Variants in HS6ST3 observed in about 807,000 individuals in gnomAD.
HS6ST3 encodes the protein heparan sulfate 6-O-sulfotransferase 3, also known as heparan-sulfate 6-O-sulfotransferase 3.
A neutral mutation model predicts 36.7 loss-of-function variants in HS6ST3; 12 were observed. That is an observed-to-expected ratio of 0.33 (90% CI 0.21 to 0.53). The LOEUF is 0.53. HS6ST3 is among the 20% of genes least tolerant of loss of function. The pLI is 0.95. For synonymous variants in HS6ST3, 240 were observed against 257.5 expected (o/e 0.93, Z 0.65); for missense variants, 584 against 640.9 (o/e 0.91, Z 0.96).
At chr13:96,213,095 C>T (rs889672989) in intron 1 of HS6ST3, among the ~76,000 whole-genome samples, 7 of 152,106 alleles carry the variant, frequency 4.6e-5, no homozygotes, top group African/African-American at 7.2e-5. Context: ...GATTTTTATG[C>T]AATTTTGTAC....
In HS6ST3 at chr13:96,091,562, C is replaced by T. The variant is rs563195462; in HGVS notation, c.700C>T (p.His234Tyr). 28 of 1,575,804 alleles carry T rather than the reference C, an allele frequency of 1.8e-5. No individual in the cohort carries two copies. The South Asian group carries it at 3.0e-4, about 17-fold the overall frequency. ...GAAGGACTGTCCCCGCAACCACAGC[C>T]ACACCAGGTACTGTCGCCCGCTGGG... Reference protein sequence around the residue: ...EKKDCPRNHSHTRNFYYITML... With the variant: ...EKKDCPRNHSYTRNFYYITML... The change falls in exon 1 of 2, where the codon CAC becomes TAC. Residue 234 changes from histidine (H) to tyrosine (Y), a missense_variant. Physicochemically the swap from His to Tyr is moderately conservative, Grantham distance 83. Around this residue, in one of 3 missense-constraint regions of HS6ST3, gnomAD observed 360 missense variants for 411.3 expected, o/e 0.88. Coordinates refer to ENST00000376705, the MANE Select transcript of HS6ST3 (RefSeq NM_153456.4).
intron 1 of HS6ST3, among the ~76,000 whole-genome samples, chr13:96,359,039 A>T (rs2055224346): frequency 6.6e-6 from 1 of 152,056 alleles, no homozygotes; most frequent in Non-Finnish European, 1.5e-5. Flanking sequence ...GAAAAGAAAA[A>T]TATAAAATAT....
intron 1 of HS6ST3, among the ~76,000 whole-genome samples, chr13:96,433,050 A>G (rs1201702733): frequency 2.0e-5 from 3 of 152,236 alleles, no homozygotes; most frequent in Admixed American, 2.0e-4. Context: ...TGGGAATACT[A>G]GCTAAAGTCA....
chr13:96,097,232 G>C (rs1343156096), intron 1 of HS6ST3, among the ~76,000 whole-genome samples: 1 of 152,138 alleles, frequency 6.6e-6, no homozygotes, highest in Non-Finnish European at 1.5e-5. Flanking sequence ...TTTCATAATA[G>C]AAGTGAGGCA....
In HS6ST3 at chr13:96,506,373, A is replaced by T. The variant is rs150097776; in HGVS notation, c.708-326117A>T. On this transcript the variant is annotated intron_variant, in intron 1 of 1. Transcript: ENST00000376705. ...CTGGAATGAGTACTGATTTTCAAAA[A>T]CAGAATTTCTGATTCCAGGAATATT... 1.2e-3 allele frequency among the ~76,000 whole-genome samples: 177 copies of T among 152,290 alleles called. 1 individual carries two copies. The highest frequency in any genetic ancestry group is 4.1e-3 in the African/African-American group (172 of 41,578).
intron 1 of HS6ST3, among the ~76,000 whole-genome samples, chr13:96,534,877 T>C (rs1250518750): frequency 1.3e-5 from 2 of 152,142 alleles, no homozygotes; most frequent in Non-Finnish European, 2.9e-5. Flanking sequence ...GGAGAATCCC[T>C]TGAACCCAGG....
intron 1 of HS6ST3, among the ~76,000 whole-genome samples, chr13:96,189,559 C>A (rs2054279587): frequency 6.6e-6 from 1 of 152,090 alleles, no homozygotes. Context: ...TCTTACCATT[C>A]CAGAAGCATT....
intron 1 of HS6ST3, among the ~76,000 whole-genome samples, chr13:96,106,709 C>T (rs909673920): frequency 2.0e-5 from 3 of 152,156 alleles, no homozygotes; most frequent in African/African-American, 4.8e-5. Context: ...GTGGAATTGA[C>T]AGTTGAAAGA....
intron 1 of HS6ST3, among the ~76,000 whole-genome samples, chr13:96,413,789 C>T (rs192084938): frequency 2.0e-5 from 3 of 152,322 alleles, no homozygotes; most frequent in Non-Finnish European, 4.4e-5. Context: ...TAGTCTGGAA[C>T]CTGATGACAC....
chr13:96,376,082 C>A (rs1039392404), intron 1 of HS6ST3, among the ~76,000 whole-genome samples: 2 of 152,074 alleles, frequency 1.3e-5, no homozygotes, highest in African/African-American at 4.8e-5. Flanking sequence ...TCAACATAAT[C>A]CAGGCTTCCA....
intron 1 of HS6ST3, among the ~76,000 whole-genome samples, chr13:96,586,447 C>T (rs2056361538): frequency 6.6e-6 from 1 of 152,028 alleles, no homozygotes; most frequent in African/African-American, 2.4e-5. Flanking sequence ...AGGCATGCAC[C>T]ACCGTGCCTG....
intron 1 of HS6ST3, among the ~76,000 whole-genome samples, chr13:96,594,854 T>C (rs2056395723): frequency 6.6e-6 from 1 of 152,178 alleles, no homozygotes; most frequent in Non-Finnish European, 1.5e-5. Flanking sequence ...CATTACTCAT[T>C]ATCATTTTTT....
intron 1 of HS6ST3, among the ~76,000 whole-genome samples, chr13:96,725,531 A>C (rs147879494): frequency 6.6e-6 from 1 of 152,024 alleles, no homozygotes; most frequent in Admixed American, 6.6e-5. Flanking sequence ...TTCCATTCCA[A>C]GTTAATTTTT....
chr13:96,219,087 C>A (rs772763789), intron 1 of HS6ST3, among the ~76,000 whole-genome samples: 2 of 152,088 alleles, frequency 1.3e-5, no homozygotes, highest in Non-Finnish European at 2.9e-5. Flanking sequence ...CATTGCTAGT[C>A]GGCCTAAATT....
chr13:96,664,717 A>G (rs2056657722), intron 1 of HS6ST3, among the ~76,000 whole-genome samples: 1 of 152,330 alleles, frequency 6.6e-6, no homozygotes, highest in Middle Eastern at 3.4e-3. Flanking sequence ...CTAAGACAGT[A>G]TCAGAACTGT....
intron 1 of HS6ST3, among the ~76,000 whole-genome samples, chr13:96,749,743 T>C (rs1484830163): frequency 2.0e-5 from 3 of 152,140 alleles, no homozygotes; most frequent in Non-Finnish European, 4.4e-5. Flanking sequence ...TGCTGAAGTA[T>C]TTTAAATCTT....
chr13:96,182,838 G>C (rs2139340932), intron 1 of HS6ST3, among the ~76,000 whole-genome samples: 1 of 152,286 alleles, frequency 6.6e-6, no homozygotes, highest in East Asian at 1.9e-4. Context: ...TAGGAATCAA[G>C]TGAAATAAAA....
intron 1 of HS6ST3, among the ~76,000 whole-genome samples, chr13:96,309,174 C>T (rs1181706986): frequency 6.6e-6 from 1 of 152,044 alleles, no homozygotes; most frequent in Non-Finnish European, 1.5e-5. Flanking sequence ...TTAGTGTTTA[C>T]CACCTTCTGG....
intron 1 of HS6ST3, among the ~76,000 whole-genome samples, chr13:96,483,293 G>T (rs1742882127): frequency 6.6e-6 from 1 of 152,148 alleles, no homozygotes; most frequent in Admixed American, 6.5e-5. Flanking sequence ...CTTACGAGGT[G>T]AATATTCCAC....
Sources: gnomAD v4.1 joint callset for allele counts (sites outside exome capture counted in the v4.1 genomes callset) on GRCh38, gnomAD v4.1.1 for gene constraint, gnomAD v4.1.1 regional missense constraint, MANE v1.5 for transcripts, NCBI Gene and HGNC (gene_info 2026-07-23, HGNC 2026-07-21) for gene names.